Variants in ATP5PF observed in about 807,000 individuals in gnomAD.
ATP5PF encodes the protein ATP synthase peripheral stalk subunit F6, also known as ATP synthase peripheral stalk subunit F6, mitochondrial.
Under a neutral mutation model 12.0 loss-of-function variants are expected in ATP5PF, and 7 were observed. That is an observed-to-expected ratio of 0.58 (90% CI 0.33 to 1.10). ATP5PF has a LOEUF of 1.10. ATP5PF is among the 50% of genes least tolerant of loss of function. The pLI is 0.03. For missense variants in ATP5PF, 120 were observed against 127.7 expected, an observed-to-expected ratio of 0.94 and a Z score of 0.29; for synonymous variants, 41 against 45.4, an observed-to-expected ratio of 0.90 and a Z score of 0.39.
Position 25,724,515 on chromosome 21 carries a change from AATTT to A in ATP5PF, c.*121_*124del. ...AAGAACACACTCAACATCACCAAAT[AATTT>A]ATTTGGACTCAGAATTAAAAGAACA... On this transcript the variant is annotated 3_prime_UTR_variant, in exon 4 of 4. Coordinates refer to ENST00000284971, the MANE Select transcript of ATP5PF (RefSeq NM_001003703.2). 9.0e-7 allele frequency: 1 copy of A among 1,113,040 alleles called. No homozygotes were observed. The highest frequency in any genetic ancestry group is 1.4e-5 in the South Asian group (1 of 69,104). 68.9% of individuals were successfully genotyped at this position (1,113,040 alleles called of 1,614,324 possible).
intron 2 of ATP5PF, among the ~76,000 whole-genome samples, chr21:25,729,057 C>G (rs2034689733): frequency 6.6e-6 from 1 of 152,232 alleles, no homozygotes; most frequent in South Asian, 2.1e-4. Flanking sequence ...TATGGTTCTA[C>G]AATTGTTTTT....
At position 25,729,719 on chromosome 21, in the gene ATP5PF, C is replaced by A; in HGVS notation, c.76G>T (p.Gly26Cys). 4 of 1,613,844 alleles carry A rather than the reference C, an allele frequency of 2.5e-6. No individual in the cohort carries two copies. Among genetic ancestry groups the A allele is most frequent in the Non-Finnish European group, 3.4e-6 (4 of 1,179,988 alleles). ...AVSVHLRRNIGVTAVAFNKEL... is the reference protein window; with the variant it reads ...AVSVHLRRNICVTAVAFNKEL... ...TTATTAAATGCCACTGCTGTAACAC[C>A]AATGTTCCTCCGCAAATGGACTGAG... The change falls in exon 2 of 4, where the codon GGT becomes TGT. Residue 26 changes from glycine to cysteine, a missense_variant. Transcript: ENST00000284971.
intron 2 of ATP5PF, among the ~76,000 whole-genome samples, chr21:25,726,216 AGACTTTT>A (rs1396153922): frequency 6.6e-6 from 1 of 152,252 alleles, no homozygotes; most frequent in Non-Finnish European, 1.5e-5. Context: ...TAAAGACCTT[AGACTTTT>A]AAGTTTCTAC....
intron 1 of ATP5PF, among the ~76,000 whole-genome samples, chr21:25,733,993 AG>A (rs2034900621): frequency 1.3e-5 from 2 of 152,220 alleles, no homozygotes; most frequent in African/African-American, 4.8e-5. Context: ...AGCATTCAAC[AG>A]TTCTCATCTC....
chr21:25,725,471 T>C, intron 2 of ATP5PF, 121 bp from the exon 3 acceptor site: 1 of 1,188,080 alleles, frequency 8.4e-7, no homozygotes, highest in Non-Finnish European at 1.1e-6. Flanking sequence ...GACGGAGTCT[T>C]GCTTGGTCGC....
At chr21:25,733,252 G>A (rs563414682) in intron 1 of ATP5PF, among the ~76,000 whole-genome samples, 41 of 152,006 alleles carry the variant, frequency 2.7e-4, no homozygotes, top group Non-Finnish European at 4.4e-4. Context: ...CAAAGTGGTC[G>A]GGCGCGGTGG....
rs968473118 is a variant in ATP5PF, at chr21:25,729,761, CAG to C, written c.32_33del (p.Ser11CysfsTer22). The C allele has an allele frequency of 1.1e-5, 18 of 1,613,800 alleles. No individual in the cohort carries two copies. The highest frequency in any genetic ancestry group is 8.5e-6 in the Non-Finnish European group (10 of 1,180,010). On this transcript the variant is annotated frameshift_variant, in exon 2 of 4. Coordinates refer to ENST00000284971, the MANE Select transcript of ATP5PF (RefSeq NM_001003703.2). LOFTEE classifies it high-confidence loss of function. ...TGGACTGAGACGGCTGACCGAATGA[CAG>C]AGGAGAACCTGAAGAGCCTCTGAAG... is the stretch of plus-strand genomic sequence containing the variant. MILQRLFRFS[S>X]VIRSAVSVHL...
In ATP5PF at chr21:25,730,114, T is replaced by C. The variant is rs183733972; in HGVS notation, c.-7-313A>G. ...CATGGATCAGAGAAAACAGTAGAGG[T>C]AGACTGTTGCAACACTGTCCGCTCC... On this transcript the variant is annotated intron_variant, in intron 1 of 3. Coordinates refer to ENST00000284971, the MANE Select transcript of ATP5PF (RefSeq NM_001003703.2). Among the ~76,000 whole-genome samples the C allele has an allele frequency of 1.4e-4, 22 of 152,206 alleles. No individual in the cohort carries two copies. The East Asian group carries it at 2.1e-3, about 15-fold the overall frequency.
chr21:25,731,428 C>A (rs1466437652), intron 1 of ATP5PF, among the ~76,000 whole-genome samples: 1 of 151,418 alleles, frequency 6.6e-6, no homozygotes, highest in South Asian at 2.1e-4. Context: ...CAGACAGGGT[C>A]TCACTCTGTT....
chr21:25,724,866 T>C (rs2034575356), intron 3 of ATP5PF, 189 bp from the exon 4 acceptor site: 1 of 630,230 alleles, frequency 1.6e-6, no homozygotes, highest in South Asian at 2.0e-5. Context: ...ATTAATTGAC[T>C]TTGCATATAT....
intron 1 of ATP5PF, among the ~76,000 whole-genome samples, 152 bp from the exon 2 acceptor site, chr21:25,729,953 T>C (rs2034716703): frequency 6.6e-6 from 1 of 152,232 alleles, no homozygotes; most frequent in Admixed American, 6.5e-5. Context: ...CTCCTCCTTA[T>C]TCCCCATTGC....
At chr21:25,735,189 T>G (rs898384946), upstream of ATP5PF, 2 of 599,474 alleles carry the variant, frequency 3.3e-6, no homozygotes, top group Middle Eastern at 8.0e-4. Context: ...TGAGTGGCCT[T>G]TCCCCTAGTT....
At chr21:25,725,680 C>T (rs559698386) in intron 2 of ATP5PF, among the ~76,000 whole-genome samples, 236 of 152,260 alleles carry the variant, frequency 1.5e-3, no homozygotes, top group Middle Eastern at 0.014. Context: ...CCTCATGATC[C>T]GCCCGCCTCG....
At position 25,734,138 on chromosome 21, in the gene ATP5PF, T is replaced by C. The variant is rs550981022; in HGVS notation, c.-8+715A>G. On this transcript the variant is annotated intron_variant, in intron 1 of 3. Coordinates refer to ENST00000284971, the MANE Select transcript of ATP5PF (RefSeq NM_001003703.2). ...ATATTGTCCACTAAAACGCAGAAGA[T>C]AGTCATTACACAAATAGCTGTGAAA... Among the ~76,000 whole-genome samples, 35 of 152,360 alleles carry C rather than the reference T, an allele frequency of 2.3e-4. 1 individual carries two copies. The highest frequency in any genetic ancestry group is 3.4e-3 in the Middle Eastern group (1 of 294).
chr21:25,730,736 C>CACAAAAAAAAAAAAAAAAAAAAA (rs1219090743), intron 1 of ATP5PF, among the ~76,000 whole-genome samples: 2 of 31,894 alleles, frequency 6.3e-5, no homozygotes, highest in Non-Finnish European at 1.4e-4. Context: ...CTCCGTCTCA[C>CACAAAAAAAAAAAAAAAAAAAAA]AAAAAAAAAA....
upstream of ATP5PF, chr21:25,735,271 A>G (rs1483672561): frequency 9.0e-6 from 4 of 446,654 alleles, no homozygotes; most frequent in Non-Finnish European, 1.6e-5. Flanking sequence ...GGAAAGTGAG[A>G]CTGTGTAAAA....
intron 2 of ATP5PF, among the ~76,000 whole-genome samples, chr21:25,726,158 TA>T (rs1294906752): frequency 6.6e-6 from 1 of 152,240 alleles, no homozygotes; most frequent in African/African-American, 2.4e-5. Flanking sequence ...ACTCAATTAT[TA>T]TCTACTAATA....
chr21:25,724,706 C>A, intron 3 of ATP5PF, 29 bp from the exon 4 acceptor site: 1 of 1,586,384 alleles, frequency 6.3e-7, no homozygotes, highest in African/African-American at 1.4e-5. Context: ...AAGGGTCAAG[C>A]TTAGCCAAAT....
At chr21:25,726,034 G>A (rs2034610385) in intron 2 of ATP5PF, among the ~76,000 whole-genome samples, 1 of 152,168 alleles carries the variant, frequency 6.6e-6, no homozygotes, top group African/African-American at 2.4e-5. Flanking sequence ...GTAAACCTGA[G>A]TAAGGCACAG....
Sources: allele counts gnomAD v4.1 joint callset (sites outside exome capture counted in the v4.1 genomes callset), GRCh38; gene constraint gnomAD v4.1.1; transcripts MANE v1.5; gene names NCBI Gene and HGNC (gene_info 2026-07-23, HGNC 2026-07-21).